Variants in ZNF567 observed in about 807,000 individuals in gnomAD.
ZNF567 encodes zinc finger protein 567.
Under a neutral mutation model 53.9 loss-of-function variants are expected in ZNF567, and 36 were observed. That is an observed-to-expected ratio of 0.67 (90% confidence interval 0.51 to 0.88). ZNF567 has a LOEUF of 0.88. ZNF567 is among the 40% of genes least tolerant of loss of function. The pLI is 0.00. For missense variants in ZNF567, 619 were observed against 764.7 expected (o/e 0.81, Z 2.25); for synonymous variants, 224 against 260.4 (o/e 0.86, Z 1.35).
intron 3 of ZNF567, among the ~76,000 whole-genome samples, chr19:36,695,963 TG>T (rs2038864387): frequency 6.6e-6 from 1 of 152,220 alleles, no homozygotes. Flanking sequence ...GAAACGTGAT[TG>T]GCAACTTGTA....
chr19:36,676,285 C>T, the ZNF567 span, among the ~76,000 whole-genome samples: 3 of 151,020 alleles, frequency 2.0e-5, no homozygotes, highest in Admixed American at 6.6e-5. Context: ...AGGCTGGTCT[C>T]GAACCTCTGA....
intron 2 of ZNF567, among the ~76,000 whole-genome samples, chr19:36,694,339 A>G (rs1021160869): frequency 6.6e-6 from 1 of 152,250 alleles, no homozygotes; most frequent in Non-Finnish European, 1.5e-5. Context: ...CTTTAAACTT[A>G]TGAAAAGAAG....
the ZNF567 span, among the ~76,000 whole-genome samples, chr19:36,669,608 C>A: frequency 6.6e-6 from 1 of 152,180 alleles, no homozygotes; most frequent in Non-Finnish European, 1.5e-5. Context: ...TGTAACCAAC[C>A]TGCCACCAGA....
At chr19:36,673,591 T>A in the ZNF567 span, among the ~76,000 whole-genome samples, 1 of 152,210 alleles carries the variant, frequency 6.6e-6, no homozygotes, top group Non-Finnish European at 1.5e-5. Flanking sequence ...TTCAGCCTGC[T>A]GGCCTGCCTT....
upstream of ZNF567, chr19:36,685,806 T>C (rs544454193): frequency 6.6e-6 from 1 of 152,328 alleles, no homozygotes; most frequent in African/African-American, 2.4e-5. Context: ...GCTTATTATT[T>C]GGGGGGCTTG....
chr19:36,678,053 A>T, the ZNF567 span, among the ~76,000 whole-genome samples: 316 of 152,306 alleles, frequency 2.1e-3, 1 homozygote, highest in African/African-American at 7.5e-3. Flanking sequence ...AGGACCTTTT[A>T]TCTCTAAGCC....
In ZNF567 at chr19:36,719,917, G is replaced by A. The variant is rs749049988; in HGVS notation, c.1193G>A (p.Cys398Tyr). ...TGEKPYICKE[C>Y]GKSFHQKANL... ...GAGAAACCCTACATTTGTAAAGAAT[G>A]TGGGAAGTCCTTTCACCAGAAGGCA... Residue 398 changes from cysteine to tyrosine, a missense_variant, in exon 6 of 6, where the codon TGT (cysteine) becomes TAT (tyrosine). Transcript: ENST00000682579. 18 of 1,610,916 alleles carry A rather than the reference G, an allele frequency of 1.1e-5. No homozygotes were observed. The highest frequency in any genetic ancestry group is 1.5e-5 in the Non-Finnish European group (18 of 1,177,888).
rs1363965328 is a variant in ZNF567, at chr19:36,719,929, T to G, written c.1205T>G (p.Phe402Cys). The G allele has an allele frequency of 1.2e-6, 2 of 1,610,860 alleles. No individual in the cohort carries two copies. The highest frequency in any genetic ancestry group is 8.5e-7 in the Non-Finnish European group (1 of 1,177,926). Residue 402 changes from phenylalanine to cysteine, a missense_variant, in exon 6 of 6, where the codon TTT (phenylalanine) becomes TGT (cysteine). By Grantham distance (205) the Phe-to-Cys change is radical. Coordinates refer to ENST00000682579, the MANE Select transcript of ZNF567 (RefSeq NM_001322917.1). Reference sequence around the variant, plus strand: ...ATTTGTAAAGAATGTGGGAAGTCCTTTCACCAGAAGGCAAATCTTACTGTA... The same window carrying G: ...ATTTGTAAAGAATGTGGGAAGTCCTGTCACCAGAAGGCAAATCTTACTGTA... ...PYICKECGKS[F>C]HQKANLTVHQ...
At chr19:36,680,478 G>A in the ZNF567 span, among the ~76,000 whole-genome samples, 6,169 of 152,236 alleles carry the variant, frequency 0.041, 425 homozygotes, top group African/African-American at 0.14. Context: ...CAAGGGAAAT[G>A]TGTAGGTAGT....
At chr19:36,694,723 C>A in intron 2 of ZNF567, 79 bp from the exon 3 acceptor site, 2 of 691,432 alleles carry the variant, frequency 2.9e-6, no homozygotes, top group Non-Finnish European at 4.7e-6. Context: ...GAAATGGAGG[C>A]AATTTTAATA....
At chr19:36,669,141 T>C in the ZNF567 span, 1 of 152,174 alleles carries the variant, frequency 6.6e-6, no homozygotes, top group African/African-American at 2.4e-5. Context: ...AAATACCGTG[T>C]TCATTTTATA....
rs746415211 is a variant in ZNF567, at chr19:36,720,663, C to T, written c.1939C>T (p.Gln647Ter). Residue 647 changes from glutamine to a stop codon, truncating the protein, a stop_gained, in exon 6 of 6, where the codon CAA becomes TAA. Coordinates refer to ENST00000682579, the MANE Select transcript of ZNF567 (RefSeq NM_001322917.1). LOFTEE classifies it high-confidence loss of function. ...RTHKGENIEM[Q>*] Reference sequence around the variant, plus strand: ...TCACAAGGGAGAAAACATTGAAATGCAATAAATGATGTGGTTTCTTATATG... The same window carrying T: ...TCACAAGGGAGAAAACATTGAAATGTAATAAATGATGTGGTTTCTTATATG... 1 of 1,522,478 alleles carries T rather than the reference C, an allele frequency of 6.6e-7. No individual in the cohort carries two copies. Among genetic ancestry groups the T allele is most frequent in the South Asian group, 1.4e-5 (1 of 73,646 alleles). 94.3% of individuals were successfully genotyped at this position (1,522,478 alleles called of 1,614,324 possible). A position where few individuals can be genotyped will look rare whatever the true frequency, so the allele number is the denominator to read the frequency against.
At chr19:36,685,575 A>C (rs767309035), upstream of ZNF567, 3 of 152,232 alleles carry the variant, frequency 2.0e-5, no homozygotes, top group Admixed American at 6.5e-5. Context: ...CCACATATCC[A>C]TGTAATATAA....
chr19:36,683,966 T>G (rs1257775944), upstream of ZNF567, among the ~76,000 whole-genome samples: 1 of 152,160 alleles, frequency 6.6e-6, no homozygotes, highest in Non-Finnish European at 1.5e-5. Flanking sequence ...TGTAAACAGG[T>G]TTTAACTATG....
chr19:36,688,647 A>G (rs922157688), intron 1 of ZNF567, among the ~76,000 whole-genome samples: 4 of 151,560 alleles, frequency 2.6e-5, no homozygotes, highest in African/African-American at 7.3e-5. Context: ...CTCTACTAAA[A>G]ATACAAAAAA....
At chr19:36,689,870 C>G (rs2038504987) in intron 2 of ZNF567, among the ~76,000 whole-genome samples, 1 of 152,136 alleles carries the variant, frequency 6.6e-6, no homozygotes, top group Non-Finnish European at 1.5e-5. Context: ...GAATCACTCA[C>G]GTTTTTCCCC....
chr19:36,718,659 A>C (rs1042622465), intron 5 of ZNF567, among the ~76,000 whole-genome samples: 1 of 152,176 alleles, frequency 6.6e-6, no homozygotes, highest in Non-Finnish European at 1.5e-5. Flanking sequence ...CTGAACACTT[A>C]TCTAACCATC....
intron 2 of ZNF567, among the ~76,000 whole-genome samples, chr19:36,690,813 T>G (rs755135229): frequency 6.6e-6 from 1 of 152,178 alleles, no homozygotes; most frequent in Non-Finnish European, 1.5e-5. Context: ...GTGTAAATTA[T>G]ATCTCAATGC....
At chr19:36,694,646 T>G (rs1438270846) in intron 2 of ZNF567, among the ~76,000 whole-genome samples, 156 bp from the exon 3 acceptor site, 1 of 152,086 alleles carries the variant, frequency 6.6e-6, no homozygotes, top group African/African-American at 2.4e-5. Flanking sequence ...AAAACAGAAT[T>G]TGCCTAGCTG....
Sources: allele counts gnomAD v4.1 joint callset (sites outside exome capture counted in the v4.1 genomes callset), GRCh38; gene constraint gnomAD v4.1.1; transcripts MANE v1.5; gene names NCBI Gene and HGNC (gene_info 2026-07-23, HGNC 2026-07-21).